Variants in OTUD7A observed in about 807,000 individuals in gnomAD.
OTUD7A encodes the protein OTU domain-containing protein 7A.
OTUD7A carries 12 observed loss-of-function variants against 65.7 expected under a neutral mutation model. That is an observed-to-expected ratio of 0.18 (90% CI 0.12 to 0.30). The LOEUF (loss-of-function observed/expected upper bound fraction) is 0.30, where lower values mean the gene tolerates loss of function less well. Ranked by LOEUF, OTUD7A falls within the 10% of genes least tolerant of loss-of-function variation. The pLI is 1.00. For missense variants in OTUD7A, 1,148 were observed against 1,304.8 expected (o/e 0.88, Z 1.85); for synonymous variants, 641 against 586.3 (o/e 1.09, Z -1.35).
At chr15:31,726,530 C>CA in intron 1 of OTUD7A, among the ~76,000 whole-genome samples, 1 of 152,184 alleles carries the variant, frequency 6.6e-6, no homozygotes, top group Non-Finnish European at 1.5e-5. Context: ...AAAATGTAAA[C>CA]ACTACGGACA....
intron 1 of OTUD7A, among the ~76,000 whole-genome samples, chr15:31,671,001 A>T (rs951931098): frequency 3.3e-5 from 5 of 152,142 alleles, no homozygotes; most frequent in Non-Finnish European, 5.9e-5. Context: ...TCTCAAAAAA[A>T]AAAAAAATCT....
At chr15:31,548,200 C>T (rs1888197952) in intron 5 of OTUD7A, among the ~76,000 whole-genome samples, 1 of 66,472 alleles carries the variant, frequency 1.5e-5, no homozygotes, top group Non-Finnish European at 4.8e-5. Flanking sequence ...CCCGGGCCAC[C>T]CCCATCATCT....
chr15:31,868,384 A>G (rs1285232423), intron 1 of OTUD7A, among the ~76,000 whole-genome samples: 1 of 152,256 alleles, frequency 6.6e-6, no homozygotes, highest in African/African-American at 2.4e-5. Flanking sequence ...AGGTGAAAAC[A>G]AAAAGATGGA....
chr15:31,694,382 T>C (rs1893026714), intron 1 of OTUD7A, among the ~76,000 whole-genome samples: 1 of 152,164 alleles, frequency 6.6e-6, no homozygotes, highest in African/African-American at 2.4e-5. Context: ...CCCTCCACCC[T>C]TCACAAGCCC....
intron 3 of OTUD7A, among the ~76,000 whole-genome samples, chr15:31,638,778 G>C (rs545193740): frequency 6.6e-6 from 1 of 152,084 alleles, no homozygotes; most frequent in Non-Finnish European, 1.5e-5. Flanking sequence ...GTCTGGAACT[G>C]AATCTGCAAT....
intron 1 of OTUD7A, among the ~76,000 whole-genome samples, chr15:31,803,381 G>A (rs1167855074): frequency 5.3e-5 from 8 of 152,166 alleles, no homozygotes; most frequent in African/African-American, 7.2e-5. Context: ...ATTCCTTAAA[G>A]ATTGTATATT....
intron 8 of OTUD7A, among the ~76,000 whole-genome samples, chr15:31,525,854 G>A (rs8032199): frequency 0.042 from 6,425 of 152,274 alleles, 275 homozygotes; most frequent in African/African-American, 0.11. Flanking sequence ...TATCCATGGA[G>A]CCCATCTGGG....
chr15:31,864,566 G>A (rs2141020541), intron 1 of OTUD7A, among the ~76,000 whole-genome samples: 1 of 152,118 alleles, frequency 6.6e-6, no homozygotes, highest in East Asian at 1.9e-4. Context: ...TATAGCATGA[G>A]AAAGACCAGC....
intron 1 of OTUD7A, among the ~76,000 whole-genome samples, chr15:31,765,562 T>C (rs926628706): frequency 2.0e-5 from 3 of 152,210 alleles, no homozygotes; most frequent in Non-Finnish European, 4.4e-5. Flanking sequence ...GTGCTCTCAA[T>C]TGAGATCTAG....
In OTUD7A at chr15:31,501,683, G is replaced by A. The variant is rs1236520191; in HGVS notation, c.1171+7C>T. On this transcript the variant is annotated splice_region_variant and intron_variant, in intron 10 of 12. Coordinates refer to ENST00000307050, the MANE Select transcript of OTUD7A (RefSeq NM_001382637.1). ...CCTGCGTGCACTCTCTTGGGAGACAGGCATACCTTGTTCTCTTTGCTGGTC... is the reference window on the plus strand; with the variant it reads ...CCTGCGTGCACTCTCTTGGGAGACAAGCATACCTTGTTCTCTTTGCTGGTC... 6.2e-7 allele frequency: 1 copy of A among 1,614,190 alleles called. No individual in the cohort carries two copies. The highest frequency in any genetic ancestry group is 1.1e-5 in the South Asian group (1 of 91,084).
chr15:31,584,436 G>A (rs755726754), intron 3 of OTUD7A, among the ~76,000 whole-genome samples: 6 of 152,204 alleles, frequency 3.9e-5, no homozygotes, highest in African/African-American at 4.8e-5. Flanking sequence ...CAACTGACCC[G>A]CCCTGGGCTC....
intron 1 of OTUD7A, among the ~76,000 whole-genome samples, chr15:31,829,451 C>T (rs1479762613): frequency 6.6e-6 from 1 of 152,254 alleles, no homozygotes; most frequent in African/African-American, 2.4e-5. Flanking sequence ...CTTCTGCCCA[C>T]TACTGGGTGA....
intron 3 of OTUD7A, among the ~76,000 whole-genome samples, chr15:31,639,220 C>T (rs34203834): frequency 4.6e-5 from 7 of 151,882 alleles, no homozygotes; most frequent in African/African-American, 1.7e-4. Context: ...CTATAGATCA[C>T]TATGCATTTC....
chr15:31,536,558 A>G (rs946867064), intron 5 of OTUD7A, among the ~76,000 whole-genome samples: 1 of 152,250 alleles, frequency 6.6e-6, no homozygotes, highest in South Asian at 2.1e-4. Flanking sequence ...TATTAATAGG[A>G]TTTGAACAAC....
intron 1 of OTUD7A, among the ~76,000 whole-genome samples, chr15:31,715,089 G>A (rs981722264): frequency 4.6e-5 from 7 of 151,712 alleles, no homozygotes; most frequent in Middle Eastern, 3.4e-3. Context: ...TGAGCTGAGC[G>A]CACCACTGCA....
chr15:31,505,962 T>A (rs1323817520), intron 8 of OTUD7A, among the ~76,000 whole-genome samples: 6 of 152,004 alleles, frequency 3.9e-5, no homozygotes, highest in Admixed American at 3.3e-4. Flanking sequence ...ATGGTCTTGA[T>A]CTCCTGACCT....
chr15:31,553,055 A>G (rs1888374770), intron 5 of OTUD7A, among the ~76,000 whole-genome samples: 1 of 152,172 alleles, frequency 6.6e-6, no homozygotes, highest in African/African-American at 2.4e-5. Context: ...TGTATCAAGC[A>G]CAGTGCAGCA....
At chr15:31,530,935 T>C (rs1463558060) in intron 5 of OTUD7A, 127 bp from the exon 6 acceptor site, 1 of 600,840 alleles carries the variant, frequency 1.7e-6, no homozygotes, top group Non-Finnish European at 2.8e-6. Flanking sequence ...GGGAACATTA[T>C]GGCTACTTCT....
chr15:31,566,758 G>C (rs1888888809), intron 4 of OTUD7A, among the ~76,000 whole-genome samples: 1 of 152,122 alleles, frequency 6.6e-6, no homozygotes, highest in Non-Finnish European at 1.5e-5. Context: ...AAAAGTGTGT[G>C]GCACCTCCCA....
Sources: allele counts gnomAD v4.1 joint callset (sites outside exome capture counted in the v4.1 genomes callset), GRCh38; gene constraint gnomAD v4.1.1; transcripts MANE v1.5; gene names NCBI Gene and HGNC (gene_info 2026-07-23, HGNC 2026-07-21).